The following DGCR2 variants were observed in gnomAD, a reference collection of about 807,000 sequenced individuals.
DGCR2 encodes the protein integral membrane protein DGCR2/IDD.
Under a neutral mutation model 51.6 loss-of-function variants are expected in DGCR2, and 24 were observed. That is an observed-to-expected ratio of 0.47 (90% CI 0.34 to 0.65). DGCR2 has a LOEUF of 0.65. DGCR2 is among the 30% of genes least tolerant of loss of function. The pLI, the probability that DGCR2 is intolerant of heterozygous loss-of-function variation, is 0.01. For synonymous variants in DGCR2, 340 were observed against 315.4 expected, an observed-to-expected ratio of 1.08 and a Z score of -0.82; for missense variants, 765 against 772.1, an observed-to-expected ratio of 0.99 and a Z score of 0.11.
rs530800417 is a variant in DGCR2 at position 19,057,641 on chromosome 22, G to A, written c.626-479C>T. ...ACCCAACACCCAGGAGAAAGGCGCC[G>A]TCAGGCAGCATTGGCACTGGCCGGC... On this transcript the variant is annotated intron_variant, in intron 5 of 9. Coordinates refer to ENST00000263196, the MANE Select transcript of DGCR2 (RefSeq NM_005137.3). This position sits in a 1 kb window ranked among gnomAD's most constrained non-coding sequence, Gnocchi z 5.1. 9.2e-5 allele frequency among the ~76,000 whole-genome samples: 14 copies of A among 152,220 alleles called. No individual in the cohort carries two copies. Among genetic ancestry groups the A allele is most frequent in the African/African-American group, 1.7e-4 (7 of 41,456 alleles).
chr22:19,105,358 G>A (rs1014380323), intron 1 of DGCR2, among the ~76,000 whole-genome samples: 11 of 152,176 alleles, frequency 7.2e-5, no homozygotes, highest in African/African-American at 2.7e-4. Flanking sequence ...AGAGACCACT[G>A]TTGATAGCAC....
intron 2 of DGCR2, 87 bp downstream of exon 2, chr22:19,089,281 A>T: frequency 7.1e-7 from 1 of 1,404,428 alleles, no homozygotes; most frequent in South Asian, 1.5e-5. Context: ...AAGACAGCAC[A>T]CACCTCCACC....
rs193094574 is a variant in DGCR2 at position 19,061,670 on chromosome 22, A to C, written c.625+1532T>G. On this transcript the variant is annotated intron_variant, in intron 5 of 9. Coordinates refer to ENST00000263196, the MANE Select transcript of DGCR2 (RefSeq NM_005137.3). Reference sequence around the variant, plus strand: ...TCAAGGGCCAGTTATCCTGCAGCAGAAGAATTATTGTTATTGTTACTATTT... The same window carrying C: ...TCAAGGGCCAGTTATCCTGCAGCAGCAGAATTATTGTTATTGTTACTATTT... 5 of 152,296 alleles carry C rather than the reference A, an allele frequency of 3.3e-5. No individual in the cohort carries two copies. The East Asian group carries it at 5.8e-4, about 18-fold the overall frequency. 9.4% of individuals were successfully genotyped at this position (152,296 alleles called of 1,614,324 possible). A position where few individuals can be genotyped will look rare whatever the true frequency, so the allele number is the denominator to read the frequency against.
chr22:19,067,144 A>C (rs1329249339), intron 3 of DGCR2, among the ~76,000 whole-genome samples: 2 of 152,122 alleles, frequency 1.3e-5, no homozygotes, highest in African/African-American at 4.8e-5. Flanking sequence ...GGTGCTCCCC[A>C]GTGCTGAAAG....
rs528948505 is a variant in DGCR2 at position 19,090,057 on chromosome 22, C to A, written c.80-567G>T. ...CGAACCTATTACCTAGAGATAAAAA[C>A]TGTAACACTTAAGATGAAAAGTACG... is the stretch of plus-strand genomic sequence containing the variant. On this transcript the variant is annotated intron_variant, in intron 1 of 9. Transcript: ENST00000263196. Among the ~76,000 whole-genome samples the A allele has an allele frequency of 1.3e-3, 203 of 152,300 alleles. 1 individual carries two copies. The highest frequency in any genetic ancestry group is 4.8e-3 in the African/African-American group (198 of 41,556).
At chr22:19,065,761 G>T (rs2082741045) in intron 3 of DGCR2, 1 of 152,548 alleles carries the variant, frequency 6.6e-6, no homozygotes, top group South Asian at 2.1e-4. Context: ...CTCACCTTAG[G>T]TAACACCAGT....
chr22:19,097,603 C>T (rs1317676831), intron 1 of DGCR2, among the ~76,000 whole-genome samples: 1 of 152,204 alleles, frequency 6.6e-6, no homozygotes, highest in Admixed American at 6.5e-5. Context: ...GCACTGTTCA[C>T]TCCTGTGTTC....
chr22:19,095,615 C>T (rs571502550), intron 1 of DGCR2, among the ~76,000 whole-genome samples: 9 of 149,820 alleles, frequency 6.0e-5, no homozygotes, highest in Non-Finnish European at 1.0e-4. Flanking sequence ...GAGCCCAGAT[C>T]GCGCCACTGC....
At chr22:19,062,211 C>G (rs1444417000) in intron 5 of DGCR2, among the ~76,000 whole-genome samples, 1 of 152,198 alleles carries the variant, frequency 6.6e-6, no homozygotes, top group Non-Finnish European at 1.5e-5. Flanking sequence ...GGCTGGGGCT[C>G]TCAGGAGGGC....
intron 6 of DGCR2, among the ~76,000 whole-genome samples, chr22:19,052,510 T>C (rs1020878357): frequency 3.3e-5 from 5 of 152,006 alleles, no homozygotes; most frequent in Non-Finnish European, 5.9e-5. Context: ...GCAGTTTTCA[T>C]TGTAATAGCC....
intron 2 of DGCR2, among the ~76,000 whole-genome samples, chr22:19,079,999 G>A (rs546589236): frequency 1.3e-5 from 2 of 152,342 alleles, no homozygotes; most frequent in East Asian, 3.9e-4. Flanking sequence ...CAGGGACCAC[G>A]GTGGGAGAGC....
intron 2 of DGCR2, among the ~76,000 whole-genome samples, chr22:19,079,351 G>A (rs1002243386): frequency 6.6e-6 from 1 of 152,064 alleles, no homozygotes; most frequent in Non-Finnish European, 1.5e-5. Context: ...TTCAGTTAAG[G>A]GATACTCAAT....
chr22:19,037,486 GAC>G lies in DGCR2; in HGVS notation c.*1377_*1378del, dbSNP rs1177747381. On this transcript the variant is annotated 3_prime_UTR_variant, in exon 10 of 10. Coordinates refer to ENST00000263196, the MANE Select transcript of DGCR2 (RefSeq NM_005137.3). ...CCGCTGGTCTGGAAAGACTGAGCGA[GAC>G]AGCACTGCCTCAGCACAGCCCAGGA... 2.0e-5 allele frequency: 3 copies of G among 152,268 alleles called. No individual in the cohort carries two copies. The highest frequency in any genetic ancestry group is 4.4e-5 in the Non-Finnish European group (3 of 68,120). The allele number at this position is 152,268 out of a possible 1,614,324, so 9.4% of individuals were successfully genotyped here. A position where few individuals can be genotyped will look rare whatever the true frequency, so the allele number is the denominator to read the frequency against.
Position 19,041,065 on chromosome 22 carries a change from G to A in DGCR2, c.1389C>T (p.Asp463=), listed in dbSNP as rs1042684158. ...CCCTGGGGAGTCAGGCACCTGCAGG[G>A]TCATAGAACACACTGTCCGGGTGGA... ...ASIHPDSVFY[D]PADDDAFEPV... The change falls in exon 9 of 10, where the codon GAC becomes GAT. Residue 463 remains aspartate (D), a synonymous_variant. Transcript: ENST00000263196. 2.5e-6 allele frequency: 4 copies of A among 1,600,542 alleles called. No homozygotes were observed. In the South Asian group the frequency reaches 4.5e-5, roughly 18 times the overall value.
intron 1 of DGCR2, among the ~76,000 whole-genome samples, chr22:19,100,748 AC>A (rs1165773823): frequency 6.6e-6 from 1 of 151,990 alleles, no homozygotes; most frequent in Non-Finnish European, 1.5e-5. Context: ...ATTATTGAAG[AC>A]CCCAAAGAGC....
At chr22:19,067,643 G>A (rs1364999205) in intron 3 of DGCR2, among the ~76,000 whole-genome samples, 1 of 152,122 alleles carries the variant, frequency 6.6e-6, no homozygotes, top group Non-Finnish European at 1.5e-5. Flanking sequence ...AGTAAGCTGA[G>A]ATTATGCCAC....
chr22:19,078,215 A>G (rs745938516), intron 2 of DGCR2, among the ~76,000 whole-genome samples: 4 of 152,142 alleles, frequency 2.6e-5, no homozygotes, highest in African/African-American at 7.2e-5. Flanking sequence ...GTACAGACAG[A>G]CCCCCAACTT....
intron 5 of DGCR2, among the ~76,000 whole-genome samples, chr22:19,058,254 C>A (rs540466143): frequency 6.6e-6 from 1 of 152,232 alleles, no homozygotes; most frequent in Non-Finnish European, 1.5e-5. Flanking sequence ...AGCTCTGAGA[C>A]CTGCAAGACC....
chr22:19,077,377 G>T (rs898766892), intron 2 of DGCR2, among the ~76,000 whole-genome samples: 23 of 152,108 alleles, frequency 1.5e-4, no homozygotes, highest in Admixed American at 3.9e-4. Context: ...TTAGCTAAGG[G>T]TCTAACTTTA....
Sources: gnomAD v4.1 joint callset for allele counts (sites outside exome capture counted in the v4.1 genomes callset) on GRCh38, gnomAD v4.1.1 for gene constraint, Gnocchi (gnomAD v3.1) non-coding constraint, MANE v1.5 for transcripts, NCBI Gene and HGNC (gene_info 2026-07-23, HGNC 2026-07-21) for gene names.